The following AFAP1L1 variants were observed in gnomAD, a reference collection of about 807,000 sequenced individuals.
AFAP1L1 encodes the protein actin filament-associated protein 1-like 1.
Under a neutral mutation model 99.8 loss-of-function variants are expected in AFAP1L1, and 77 were observed. The observed-to-expected ratio is 0.77, with a 90% CI of 0.64 to 0.93. The LOEUF is 0.93. Ranked by LOEUF, AFAP1L1 falls within the 40% of genes least tolerant of loss-of-function variation. The pLI, the probability that AFAP1L1 is intolerant of heterozygous loss-of-function variation, is 0.00. For synonymous variants in AFAP1L1, 373 were observed against 395.3 expected, an observed-to-expected ratio of 0.94 and a Z score of 0.67; for missense variants, 893 against 996.8, an observed-to-expected ratio of 0.90 and a Z score of 1.40.
Position 149,340,209 on chromosome 5 carries a change from A to C in AFAP1L1, c.*179A>C. 8.0e-6 allele frequency: 5 copies of C among 624,614 alleles called. No homozygotes were observed. Among genetic ancestry groups the C allele is most frequent in the Non-Finnish European group, 1.4e-5 (5 of 357,128 alleles). The allele number at this position is 624,614 out of a possible 1,614,324, so 38.7% of individuals were successfully genotyped here. A position where few individuals can be genotyped will look rare whatever the true frequency, so the allele number is the denominator to read the frequency against. On this transcript the variant is annotated 3_prime_UTR_variant, in exon 19 of 19. Transcript: ENST00000296721. ...TAGGGGATATGGGGAGGGAACAAGT[A>C]GAAGGGAAGAGGGAAATGGAGAGCA...
intron 1 of AFAP1L1, among the ~76,000 whole-genome samples, chr5:149,283,724 T>C (rs1244675643): frequency 6.6e-6 from 1 of 152,262 alleles, no homozygotes; most frequent in Non-Finnish European, 1.5e-5. Flanking sequence ...CTGCCCGTTC[T>C]TGTTGAAGGG....
chr5:149,318,144 C>T (rs547171082), intron 12 of AFAP1L1, among the ~76,000 whole-genome samples: 4 of 152,292 alleles, frequency 2.6e-5, no homozygotes, highest in East Asian at 1.9e-4. Context: ...AGGTAAGCCA[C>T]GAACATTACC....
chr5:149,312,423 C>A, intron 9 of AFAP1L1: 1 of 599,192 alleles, frequency 1.7e-6, no homozygotes, highest in Non-Finnish European at 3.0e-6. Flanking sequence ...CAGTACAAGC[C>A]AGAGGAGGGA....
intron 1 of AFAP1L1, among the ~76,000 whole-genome samples, chr5:149,279,239 G>A (rs1284466349): frequency 6.6e-6 from 1 of 152,232 alleles, no homozygotes; most frequent in African/African-American, 2.4e-5. Flanking sequence ...ATTAAACAGA[G>A]GCCAGTTTGG....
chr5:149,281,611 G>C (rs1251569296), intron 1 of AFAP1L1, among the ~76,000 whole-genome samples: 3 of 152,182 alleles, frequency 2.0e-5, no homozygotes, highest in African/African-American at 7.2e-5. Flanking sequence ...ATTGCTGAAA[G>C]CCCACCATGA....
chr5:149,282,323 G>A (rs917821987), intron 1 of AFAP1L1, among the ~76,000 whole-genome samples: 2 of 152,140 alleles, frequency 1.3e-5, no homozygotes, highest in African/African-American at 2.4e-5. Flanking sequence ...AATGGAATAC[G>A]TGCCTTTTCC....
intron 5 of AFAP1L1, chr5:149,302,805 C>T (rs551521842): frequency 6.8e-4 from 208 of 305,022 alleles, no homozygotes; most frequent in African/African-American, 4.1e-3. Context: ...GTGCTTCCAC[C>T]CTTAAAACAA....
At chr5:149,329,159 TTAA>T in intron 15 of AFAP1L1, among the ~76,000 whole-genome samples, 1 of 152,338 alleles carries the variant, frequency 6.6e-6, no homozygotes, top group South Asian at 2.1e-4. Context: ...AATTTGTTTT[TTAA>T]TAATATTATC....
intron 10 of AFAP1L1, 31 bp from the exon 11 acceptor site, chr5:149,316,120 C>T (rs1253886069): frequency 1.2e-6 from 2 of 1,602,670 alleles, no homozygotes. Context: ...CTCAGGGCTC[C>T]CTCCACTCCC....
intron 18 of AFAP1L1, among the ~76,000 whole-genome samples, chr5:149,336,017 G>A (rs1757395644): frequency 6.6e-6 from 1 of 152,174 alleles, no homozygotes; most frequent in Admixed American, 6.5e-5. Flanking sequence ...GAAAATCGAG[G>A]ACGATGGGAC....
At chr5:149,293,765 G>C (rs888467345) in intron 1 of AFAP1L1, among the ~76,000 whole-genome samples, 1 of 152,292 alleles carries the variant, frequency 6.6e-6, no homozygotes, top group Admixed American at 6.5e-5. Context: ...TCGAAGCACG[G>C]TGCCATGCAA....
At position 149,306,208 on chromosome 5, in the gene AFAP1L1, C is replaced by T. The variant is rs1321427734; in HGVS notation, c.437-98C>T. 6.9e-6 allele frequency: 7 copies of T among 1,011,534 alleles called. No homozygotes were observed. In the East Asian group the frequency reaches 1.9e-4, roughly 27 times the overall value. The allele number at this position is 1,011,534 out of a possible 1,614,324, so 62.7% of individuals were successfully genotyped here. A position where few individuals can be genotyped will look rare whatever the true frequency, so the allele number is the denominator to read the frequency against. ...CTGCTCAGAGTGCCTGCTGTCTCTT[C>T]CCTGAGGTGGAGCAGGGGTGTCAGG... On this transcript the variant is annotated intron_variant, in intron 5 of 18. Transcript: ENST00000296721.
At chr5:149,307,811 C>CCTTTCTTTCTCTCT (rs1756470519) in intron 7 of AFAP1L1, among the ~76,000 whole-genome samples, 198 bp downstream of exon 7, 8 of 21,132 alleles carry the variant, frequency 3.8e-4, no homozygotes, top group African/African-American at 1.2e-3. Context: ...ACACCCTGTG[C>CCTTTCTTTCTCTCT]CTCTCTTTCT....
chr5:149,277,995 A>G (rs1318359258), intron 1 of AFAP1L1, among the ~76,000 whole-genome samples: 3 of 152,056 alleles, frequency 2.0e-5, no homozygotes, highest in African/African-American at 4.8e-5. Flanking sequence ...TCTCCCTCAA[A>G]TATCAGTTTC....
chr5:149,334,801 C>A (rs1272507846), intron 17 of AFAP1L1, among the ~76,000 whole-genome samples: 3 of 151,908 alleles, frequency 2.0e-5, no homozygotes, highest in Non-Finnish European at 4.4e-5. Context: ...CCCAGCTACT[C>A]CGGAGGCTGA....
Position 149,319,706 on chromosome 5 carries a change from G to C in AFAP1L1, c.1604G>C (p.Ser535Thr), listed in dbSNP as rs762492844. Residue 535 changes from serine (S) to threonine (T), a missense_variant, in exon 13 of 19, where the codon AGT becomes ACT. Transcript: ENST00000296721. ...VDVETLTSIV[S>T]AGRNSFLYAR... is the part of the protein sequence containing the mutation. ...GTGGAGACCTTAACCAGCATCGTCA[G>C]TGCTGGGCGCAACTCCTTCCTGTAA... The C allele has an allele frequency of 1.2e-6, 2 of 1,612,062 alleles. No homozygotes were observed. Among genetic ancestry groups the C allele is most frequent in the South Asian group, 2.2e-5 (2 of 90,968 alleles).
chr5:149,299,527 C>T lies in AFAP1L1; in HGVS notation c.35C>T (p.Pro12Leu), dbSNP rs781292186. The change falls in exon 2 of 19, where the codon CCA (proline) becomes CTA (leucine). Residue 12 changes from proline (P) to leucine (L), a missense_variant. Coordinates refer to ENST00000296721, the MANE Select transcript of AFAP1L1 (RefSeq NM_152406.4). ...DRGQVLEQLL[P>L]ELTGLLSLLD... ...TCCGCAGTGCTGGAGCAGCTGCTCCCAGAGCTCACCGGGCTGCTCAGCCTC... is the reference window on the plus strand; with the variant it reads ...TCCGCAGTGCTGGAGCAGCTGCTCCTAGAGCTCACCGGGCTGCTCAGCCTC... 1.2e-6 allele frequency: 2 copies of T among 1,614,112 alleles called. No homozygotes were observed. The highest frequency in any genetic ancestry group is 1.1e-5 in the South Asian group (1 of 91,068).
intron 1 of AFAP1L1, among the ~76,000 whole-genome samples, chr5:149,293,757 G>A (rs1022820167): frequency 2.6e-5 from 4 of 152,180 alleles, no homozygotes; most frequent in African/African-American, 9.7e-5. Context: ...ATGTTTGTTC[G>A]AAGCACGGTG....
rs61744033 is a variant in AFAP1L1, at chr5:149,332,727, G to A, written c.2008G>A (p.Ala670Thr). 6.2e-7 allele frequency: 1 copy of A among 1,613,812 alleles called. No homozygotes were observed. The highest frequency in any genetic ancestry group is 8.5e-7 in the Non-Finnish European group (1 of 1,179,966). ...AKLKALEEAV[A>T]TLEAQCRAKE... is the part of the protein sequence containing the mutation. ...ATTAAAGGCTCTGGAAGAAGCCGTG[G>A]CCACCCTGGAAGCTCAGTGTCGGGC... Residue 670 changes from alanine to threonine, a missense_variant, in exon 17 of 19, where the codon GCC (alanine) becomes ACC (threonine). Transcript: ENST00000296721.
Sources: allele counts gnomAD v4.1 joint callset (sites outside exome capture counted in the v4.1 genomes callset), GRCh38; gene constraint gnomAD v4.1.1; transcripts MANE v1.5; gene names NCBI Gene and HGNC (gene_info 2026-07-23, HGNC 2026-07-21).